The following ALDH18A1 variants were observed in gnomAD, a reference collection of about 807,000 sequenced individuals.
ALDH18A1 encodes the protein delta-1-pyrroline-5-carboxylate synthase.
In ALDH18A1, 44 loss-of-function variants were observed where a neutral mutation model predicts 88.8. The ratio of observed to expected loss-of-function variants is 0.50; its 90% CI spans 0.39 to 0.64. The LOEUF (loss-of-function observed/expected upper bound fraction) is 0.64. Among genes scored for constraint, ALDH18A1 ranks in the 30% least tolerant of loss-of-function variants. The pLI, the probability that ALDH18A1 is intolerant of heterozygous loss-of-function variation, is 0.00. For synonymous variants in ALDH18A1, 331 were observed against 372.1 expected, an observed-to-expected ratio of 0.89 and a Z score of 1.27; for missense variants, 782 against 1,009.5, an observed-to-expected ratio of 0.77 and a Z score of 3.05.
intron 7 of ALDH18A1, among the ~76,000 whole-genome samples, chr10:95,630,724 GA>G (rs2097867749): frequency 6.6e-6 from 1 of 152,028 alleles, no homozygotes; most frequent in Admixed American, 6.6e-5. Context: ...GGGGTGGGGA[GA>G]ATGAATAAAT....
chr10:95,653,433 G>C, intron 1 of ALDH18A1, 28 bp from the exon 2 acceptor site: 1 of 1,564,302 alleles, frequency 6.4e-7, no homozygotes, highest in East Asian at 2.2e-5. Flanking sequence ...TAAAAAGTGA[G>C]TAATGAAAAA....
At chr10:95,649,351 ATTTTT>A (rs376825293) in intron 2 of ALDH18A1, among the ~76,000 whole-genome samples, 1 of 131,086 alleles carries the variant, frequency 7.6e-6, no homozygotes, top group Non-Finnish European at 1.6e-5. Context: ...ATTTTTACAG[ATTTTT>A]TTTTTTTTTT....
At chr10:95,642,016 A>T (rs1466990635) in intron 3 of ALDH18A1, among the ~76,000 whole-genome samples, 1 of 152,176 alleles carries the variant, frequency 6.6e-6, no homozygotes, top group Non-Finnish European at 1.5e-5. Flanking sequence ...ATATAAGAAA[A>T]AAATTGTATC....
intron 3 of ALDH18A1, among the ~76,000 whole-genome samples, chr10:95,638,856 C>A (rs1323391127): frequency 1.3e-5 from 2 of 152,088 alleles, no homozygotes; most frequent in African/African-American, 4.8e-5. Flanking sequence ...CTATGATAAA[C>A]CATGATTTAA....
intron 15 of ALDH18A1, among the ~76,000 whole-genome samples, chr10:95,612,690 C>T (rs925254130): frequency 6.6e-6 from 1 of 152,100 alleles, no homozygotes; most frequent in Non-Finnish European, 1.5e-5. Flanking sequence ...CTGAGGATAC[C>T]ACTTGTGTGT....
At chr10:95,650,287 G>T (rs2097908387) in intron 2 of ALDH18A1, among the ~76,000 whole-genome samples, 1 of 152,154 alleles carries the variant, frequency 6.6e-6, no homozygotes, top group Non-Finnish European at 1.5e-5. Context: ...AGAATAAAAT[G>T]ACAAGCTATG....
At position 95,621,122 on chromosome 10, in the gene ALDH18A1, C is replaced by T. The variant is rs771386671; in HGVS notation, c.1376G>A (p.Arg459Gln). ...TTCCAGTTCCAAGTTTTTGGCGATTCGGGTGCGGCGCAAAACACGTCCCAC... is the reference window on the plus strand; with the variant it reads ...TTCCAGTTCCAAGTTTTTGGCGATTTGGGTGCGGCGCAAAACACGTCCCAC... ...DSVGRVLRRT[R>Q]IAKNLELEQV... The change falls in exon 12 of 18, where the codon CGA (arginine) becomes CAA (glutamine). Residue 459 changes from arginine (R) to glutamine (Q), a missense_variant. Around this residue, in one of 3 missense-constraint regions of ALDH18A1, gnomAD observed 556 missense variants for 654.5 expected, o/e 0.85. Coordinates refer to ENST00000371224, the MANE Select transcript of ALDH18A1 (RefSeq NM_002860.4). 32 of 1,613,838 alleles carry T rather than the reference C, an allele frequency of 2.0e-5. No homozygotes were observed. The Admixed American group carries it at 4.5e-4, about 23-fold the overall frequency.
At position 95,616,529 on chromosome 10, in the gene ALDH18A1, A is replaced by G. The variant is rs2097844526; in HGVS notation, c.1553T>C (p.Leu518Pro). Reference sequence around the variant, plus strand: ...GATTGAGAGAGCCTCCTGGGTCAGGAGGTGGAGAATCCGGTTGCTGTGTGC... The same window carrying G: ...GATTGAGAGAGCCTCCTGGGTCAGGGGGTGGAGAATCCGGTTGCTGTGTGC... The part of the protein sequence containing the change: ...EAAHSNRILH[L>P]LTQEALSIHG... Residue 518 changes from leucine (L) to proline (P), a missense_variant, in exon 13 of 18, where the codon CTC becomes CCC. By Grantham distance (98) the Leu-to-Pro change is moderately conservative. This residue lies in a region of ALDH18A1 where 556 missense variants were observed against 654.5 expected (regional missense o/e 0.85). Coordinates refer to ENST00000371224, the MANE Select transcript of ALDH18A1 (RefSeq NM_002860.4). 1 of 1,584,988 alleles carries G rather than the reference A, an allele frequency of 6.3e-7. No homozygotes were observed. The highest frequency in any genetic ancestry group is 1.7e-4 in the Middle Eastern group (1 of 6,050).
intron 3 of ALDH18A1, among the ~76,000 whole-genome samples, chr10:95,640,504 G>T (rs2097889453): frequency 6.6e-6 from 1 of 152,046 alleles, no homozygotes; most frequent in South Asian, 2.1e-4. Context: ...ACCATTCCTG[G>T]CTAATTTTTG....
chr10:95,625,477 A>G (rs1376519462), intron 10 of ALDH18A1, 22 bp from the exon 11 acceptor site: 33 of 1,592,756 alleles, frequency 2.1e-5, no homozygotes, highest in Non-Finnish European at 2.5e-5. Context: ...GTACACCATT[A>G]AAAAAACAGA....
At chr10:95,654,917 C>T (rs1320655260) in intron 1 of ALDH18A1, among the ~76,000 whole-genome samples, 1 of 151,944 alleles carries the variant, frequency 6.6e-6, no homozygotes, top group African/African-American at 2.4e-5. Flanking sequence ...CCCTAAGAAA[C>T]CTTCCCCAGC....
chr10:95,613,449 T>G (rs1348641218), intron 15 of ALDH18A1, among the ~76,000 whole-genome samples: 1 of 117,044 alleles, frequency 8.5e-6, no homozygotes, highest in Non-Finnish European at 2.1e-5. Context: ...TATATAAGGT[T>G]GCCAGAAACA....
intron 2 of ALDH18A1, among the ~76,000 whole-genome samples, chr10:95,644,669 GACT>G (rs776714024): frequency 2.6e-5 from 4 of 152,222 alleles, no homozygotes; most frequent in Non-Finnish European, 5.9e-5. Flanking sequence ...CCAGTCGAAA[GACT>G]ACATTTCCCA....
intron 8 of ALDH18A1, 59 bp downstream of exon 8, chr10:95,628,309 G>A (rs2097863222): frequency 1.2e-6 from 2 of 1,610,862 alleles, no homozygotes; most frequent in Non-Finnish European, 1.7e-6. Flanking sequence ...AAGTAAAAAG[G>A]ATACAATATA....
chr10:95,641,764 G>A (rs1038950596), intron 3 of ALDH18A1, among the ~76,000 whole-genome samples: 10 of 151,900 alleles, frequency 6.6e-5, no homozygotes, highest in East Asian at 1.9e-4. Context: ...TCAGCCTCCC[G>A]AGTAGCCGGG....
At chr10:95,630,527 A>G (rs899567358) in intron 7 of ALDH18A1, among the ~76,000 whole-genome samples, 3 of 152,216 alleles carry the variant, frequency 2.0e-5, no homozygotes, top group African/African-American at 7.2e-5. Flanking sequence ...CCTGGCCAAC[A>G]TGGTGAAACC....
At chr10:95,618,661 A>G (rs1212607681) in intron 12 of ALDH18A1, among the ~76,000 whole-genome samples, 1 of 152,146 alleles carries the variant, frequency 6.6e-6, no homozygotes, top group Non-Finnish European at 1.5e-5. Flanking sequence ...TCTTTTTCCT[A>G]ACAGATGTAC....
intron 17 of ALDH18A1, among the ~76,000 whole-genome samples, chr10:95,609,631 C>T (rs2097829335): frequency 1.3e-5 from 2 of 152,142 alleles, no homozygotes. Context: ...GAATCTCATT[C>T]TCCCTCTTTG....
chr10:95,610,420 C>G (rs569288667), intron 16 of ALDH18A1, 128 bp from the exon 17 acceptor site: 3 of 773,774 alleles, frequency 3.9e-6, no homozygotes, highest in Non-Finnish European at 6.7e-6. Flanking sequence ...TGTGTTCTCA[C>G]GTATTAAATA....
Sources: allele counts gnomAD v4.1 joint callset (sites outside exome capture counted in the v4.1 genomes callset), GRCh38; gene constraint gnomAD v4.1.1; regional missense constraint gnomAD v4.1.1; transcripts MANE v1.5; gene names NCBI Gene and HGNC (gene_info 2026-07-23, HGNC 2026-07-21).